CDC73: variants seen among roughly 807,000 people sequenced by gnomAD.
CDC73 encodes parafibromin.
Under a neutral mutation model 83.7 loss-of-function variants are expected in CDC73, and 21 were observed. That is an observed-to-expected ratio of 0.25 (90% confidence interval 0.18 to 0.36). The LOEUF is 0.36. CDC73 is among the 10% of genes least tolerant of loss of function. The pLI is 1.00. For missense variants in CDC73, 342 were observed against 653.3 expected, an observed-to-expected ratio of 0.52 and a Z score of 5.19; for synonymous variants, 224 against 212.9, an observed-to-expected ratio of 1.05 and a Z score of -0.45.
At chr1:193,183,800 T>A (rs1473122106) in intron 10 of CDC73, among the ~76,000 whole-genome samples, 2 of 151,906 alleles carry the variant, frequency 1.3e-5, no homozygotes, top group Non-Finnish European at 2.9e-5. Context: ...ATAAGTTATC[T>A]GTTTTCTGCT....
intron 13 of CDC73, among the ~76,000 whole-genome samples, chr1:193,218,599 A>G (rs578247209): frequency 6.6e-6 from 1 of 152,350 alleles, no homozygotes; most frequent in East Asian, 1.9e-4. Flanking sequence ...GAGAATCCAC[A>G]AATAAAGCTG....
At chr1:193,234,400 G>A (rs1162856611) in intron 14 of CDC73, among the ~76,000 whole-genome samples, 4 of 136,204 alleles carry the variant, frequency 2.9e-5, no homozygotes, top group Non-Finnish European at 6.4e-5. Context: ...GATACTTTGA[G>A]TAATATAGAA....
At position 193,252,460 on chromosome 1, in the gene CDC73, G is replaced by GT. The variant is rs1678060006; in HGVS notation, c.*1749dup. ...AACTACCTTCCCATAAAGATTTTTG[G>GT]TATTTGTACTTATTTATGAACTTTA... On this transcript the variant is annotated 3_prime_UTR_variant, in exon 17 of 17. Coordinates refer to ENST00000367435, the MANE Select transcript of CDC73 (RefSeq NM_024529.5). 4.4e-6 allele frequency: 1 copy of GT among 229,742 alleles called. No individual in the cohort carries two copies. 14.2% of individuals were successfully genotyped at this position (229,742 alleles called of 1,614,324 possible).
chr1:193,133,862 T>G (rs1234069223), intron 3 of CDC73, among the ~76,000 whole-genome samples: 1 of 151,590 alleles, frequency 6.6e-6, no homozygotes, highest in Non-Finnish European at 1.5e-5. Flanking sequence ...ATGCTTAATA[T>G]CATTTATAAT....
chr1:193,224,524 T>C (rs927143526), intron 13 of CDC73, among the ~76,000 whole-genome samples: 2 of 152,160 alleles, frequency 1.3e-5, no homozygotes, highest in East Asian at 3.8e-4. Context: ...TATACACATA[T>C]ATGAAATATG....
At chr1:193,211,570 C>G (rs543343393) in intron 11 of CDC73, among the ~76,000 whole-genome samples, 4 of 152,074 alleles carry the variant, frequency 2.6e-5, no homozygotes, top group Non-Finnish European at 5.9e-5. Flanking sequence ...TGAGGCCATT[C>G]GCAAGTAAAA....
At chr1:193,224,744 A>G (rs578243818) in intron 13 of CDC73, among the ~76,000 whole-genome samples, 123 of 152,310 alleles carry the variant, frequency 8.1e-4, no homozygotes, top group Non-Finnish European at 1.5e-3. Flanking sequence ...GCACTTAGAA[A>G]TCTTACATGG....
At chr1:193,207,655 C>G (rs1328553693) in intron 11 of CDC73, among the ~76,000 whole-genome samples, 1 of 152,146 alleles carries the variant, frequency 6.6e-6, no homozygotes, top group African/African-American at 2.4e-5. Context: ...CTGCCTGACC[C>G]CACAGGCAGG....
chr1:193,153,046 G>A (rs1318364352), intron 10 of CDC73, among the ~76,000 whole-genome samples: 1 of 152,140 alleles, frequency 6.6e-6, no homozygotes, highest in African/African-American at 2.4e-5. Context: ...GGGATTACAA[G>A]TGTGAGCCAC....
At chr1:193,218,428 TA>T (rs1677407696) in intron 13 of CDC73, among the ~76,000 whole-genome samples, 1 of 152,120 alleles carries the variant, frequency 6.6e-6, no homozygotes, top group African/African-American at 2.4e-5. Context: ...CTAAAATCCA[TA>T]TGGAACCAAA....
intron 2 of CDC73, among the ~76,000 whole-genome samples, chr1:193,127,288 AATGTG>A (rs952953979): frequency 8.8e-5 from 6 of 68,168 alleles, no homozygotes; most frequent in African/African-American, 2.8e-4. Context: ...AAAAAAAAAA[AATGTG>A]TGTGTGTGTG....
chr1:193,182,378 C>T lies in CDC73; in HGVS notation c.973-21417C>T, dbSNP rs555561818. Reference sequence around the variant, plus strand: ...ATGAAGTATTCATGATATAATTGTTCTTAGACTTAAGATTAATTTTAAAAT... The same window carrying T: ...ATGAAGTATTCATGATATAATTGTTTTTAGACTTAAGATTAATTTTAAAAT... On this transcript the variant is annotated intron_variant, in intron 10 of 16. Transcript: ENST00000367435. Among the ~76,000 whole-genome samples the T allele has an allele frequency of 5.3e-5, 8 of 152,084 alleles. No individual in the cohort carries two copies. In the South Asian group the frequency reaches 1.2e-3, roughly 24 times the overall value.
chr1:193,166,732 T>C (rs1405795606), intron 10 of CDC73, among the ~76,000 whole-genome samples: 1 of 151,696 alleles, frequency 6.6e-6, no homozygotes, highest in Non-Finnish European at 1.5e-5. Context: ...CCACAACCTC[T>C]GCATACCAGG....
intron 10 of CDC73, among the ~76,000 whole-genome samples, chr1:193,159,610 C>T (rs1447644693): frequency 4.6e-5 from 7 of 152,156 alleles, no homozygotes; most frequent in Non-Finnish European, 7.4e-5. Flanking sequence ...GATCTGCCTG[C>T]GTCAGCCTCC....
chr1:193,242,167 C>A (rs1677873948), intron 15 of CDC73, among the ~76,000 whole-genome samples: 1 of 152,140 alleles, frequency 6.6e-6, no homozygotes, highest in African/African-American at 2.4e-5. Context: ...GACTCTTGGG[C>A]CCCAGGGTAG....
At chr1:193,204,070 A>G (rs1224441616) in intron 11 of CDC73, among the ~76,000 whole-genome samples, 5 of 151,864 alleles carry the variant, frequency 3.3e-5, no homozygotes, top group Non-Finnish European at 5.9e-5. Context: ...TCATTAGTAA[A>G]TCTTCATGTT....
At chr1:193,232,641 G>A (rs1043236558) in intron 13 of CDC73, among the ~76,000 whole-genome samples, 2 of 152,074 alleles carry the variant, frequency 1.3e-5, no homozygotes, top group African/African-American at 4.8e-5. Context: ...GGTGGCTCAT[G>A]CCTGTAATCT....
At chr1:193,144,391 T>A (rs1675958900) in intron 7 of CDC73, among the ~76,000 whole-genome samples, 5 of 151,782 alleles carry the variant, frequency 3.3e-5, no homozygotes, top group Admixed American at 2.6e-4. Flanking sequence ...ATGATAATAT[T>A]GATTAATTCT....
At chr1:193,143,325 T>C (rs954339553) in intron 7 of CDC73, among the ~76,000 whole-genome samples, 3 of 152,198 alleles carry the variant, frequency 2.0e-5, no homozygotes, top group African/African-American at 4.8e-5. Context: ...GCATGGCTAA[T>C]ACTTGAGAAA....
Sources: allele counts gnomAD v4.1 joint callset (sites outside exome capture counted in the v4.1 genomes callset), GRCh38; gene constraint gnomAD v4.1.1; transcripts MANE v1.5; gene names NCBI Gene and HGNC (gene_info 2026-07-23, HGNC 2026-07-21).